Variants in RAB6B observed in about 807,000 individuals in gnomAD.
The protein encoded by RAB6B is ras-related protein Rab-6B.
In RAB6B, 7 loss-of-function variants were observed where a neutral mutation model predicts 31.2. That is an observed-to-expected ratio of 0.22 (90% CI 0.13 to 0.42). The LOEUF is 0.42. RAB6B is among the 10% of genes least tolerant of loss of function. The pLI, the probability that RAB6B is intolerant of heterozygous loss-of-function variation, is 1.00. For synonymous variants in RAB6B, 105 were observed against 104.9 expected (o/e 1.00, Z -0.01); for missense variants, 149 against 280.6 (o/e 0.53, Z 3.35).
At chr3:133,836,227 T>C (rs1468140657) in intron 6 of RAB6B, among the ~76,000 whole-genome samples, 1 of 152,198 alleles carries the variant, frequency 6.6e-6, no homozygotes, top group Non-Finnish European at 1.5e-5. Context: ...GAGGAGGCTC[T>C]GCAGTGGGGT....
At position 133,885,518 on chromosome 3, in the gene RAB6B, T is replaced by G. The variant is rs114894263; in HGVS notation, c.70+9879A>C. On this transcript the variant is annotated intron_variant, in intron 1 of 7. Transcript: ENST00000285208. ...ACTCACACATCCAATGACCAGAGGATAGGGGAGCTCACACACCCAATGGCC... is the reference window on the plus strand; with the variant it reads ...ACTCACACATCCAATGACCAGAGGAGAGGGGAGCTCACACACCCAATGGCC... The G allele has an allele frequency of 2.5e-4, 177 of 702,250 alleles. 1 individual carries two copies. In the African/African-American group the frequency reaches 2.7e-3, roughly 11 times the overall value. The allele number at this position is 702,250 out of a possible 1,614,324, so 43.5% of individuals were successfully genotyped here.
intron 1 of RAB6B, among the ~76,000 whole-genome samples, chr3:133,873,121 A>C (rs1207161135): frequency 6.6e-6 from 1 of 152,262 alleles, no homozygotes; most frequent in Non-Finnish European, 1.5e-5. Context: ...TACAGCAAGA[A>C]GGAACAGGGC....
At chr3:133,862,533 T>C (rs894750292) in intron 2 of RAB6B, among the ~76,000 whole-genome samples, 11 of 152,190 alleles carry the variant, frequency 7.2e-5, no homozygotes, top group African/African-American at 2.7e-4. Context: ...TGGGCCTTGA[T>C]GCATCCAGAG....
At chr3:133,864,399 G>C (rs907142802) in intron 2 of RAB6B, among the ~76,000 whole-genome samples, 185 bp downstream of exon 2, 1 of 152,118 alleles carries the variant, frequency 6.6e-6, no homozygotes, top group African/African-American at 2.4e-5. Context: ...TTACCGAGGG[G>C]TGGATTTTCA....
chr3:133,858,436 TCTC>T (rs1397712247), intron 2 of RAB6B, among the ~76,000 whole-genome samples: 2 of 152,166 alleles, frequency 1.3e-5, no homozygotes, highest in South Asian at 2.1e-4. Context: ...ACTACAGTCA[TCTC>T]CTCACAGCTC....
At chr3:133,829,288 C>G (rs1935621449) in intron 7 of RAB6B, among the ~76,000 whole-genome samples, 1 of 152,196 alleles carries the variant, frequency 6.6e-6, no homozygotes, top group African/African-American at 2.4e-5. Flanking sequence ...TAATTGGCAG[C>G]AGGAGCAAAC....
chr3:133,835,400 T>A (rs1168109556), intron 6 of RAB6B, among the ~76,000 whole-genome samples: 3 of 151,808 alleles, frequency 2.0e-5, no homozygotes, highest in Admixed American at 6.6e-5. Flanking sequence ...TGTGTGTTTG[T>A]GTAAGTGTGG....
intron 6 of RAB6B, among the ~76,000 whole-genome samples, chr3:133,836,445 G>C (rs1183339171): frequency 2.6e-5 from 4 of 152,186 alleles, no homozygotes; most frequent in African/African-American, 9.7e-5. Context: ...TCTGTGAGTG[G>C]ATATGCTCAC....
At chr3:133,838,468 G>A (rs1050499597) in intron 5 of RAB6B, among the ~76,000 whole-genome samples, 6 of 152,190 alleles carry the variant, frequency 3.9e-5, no homozygotes, top group African/African-American at 1.4e-4. Flanking sequence ...GACACTATCC[G>A]CTTCCCCCAC....
intron 1 of RAB6B, among the ~76,000 whole-genome samples, chr3:133,876,319 C>T (rs1936396302): frequency 6.6e-6 from 1 of 152,190 alleles, no homozygotes; most frequent in Non-Finnish European, 1.5e-5. Context: ...TGTGTCTCCC[C>T]CGGACCAGTT....
chr3:133,850,740 A>C (rs763086372), intron 2 of RAB6B, among the ~76,000 whole-genome samples: 2 of 152,160 alleles, frequency 1.3e-5, no homozygotes, highest in African/African-American at 2.4e-5. Flanking sequence ...AAACTAAAGA[A>C]ATAATGGTGA....
At position 133,825,770 on chromosome 3, in the gene RAB6B, AAAG is replaced by A. The variant is rs1935552088; in HGVS notation, c.*3015_*3017del. 1 of 152,206 alleles carries A rather than the reference AAAG, an allele frequency of 6.6e-6. No homozygotes were observed. The highest frequency in any genetic ancestry group is 1.5e-5 in the Non-Finnish European group (1 of 68,060). The allele number at this position is 152,206 out of a possible 1,614,324, so 9.4% of individuals were successfully genotyped here. ...CCCCTTCACTCCCACCATCCCCAAA[AAAG>A]AAGGCCAAGAGGATCCTGCTAATCT... is the stretch of plus-strand genomic sequence containing the variant. On this transcript the variant is annotated 3_prime_UTR_variant, in exon 8 of 8. Coordinates refer to ENST00000285208, the MANE Select transcript of RAB6B (RefSeq NM_016577.4).
intron 4 of RAB6B, 82 bp downstream of exon 4, chr3:133,841,203 T>G: frequency 7.9e-7 from 1 of 1,261,078 alleles, no homozygotes. Flanking sequence ...TGCACACACA[T>G]GCACACAGGC....
chr3:133,877,312 A>T (rs966066358), intron 1 of RAB6B, among the ~76,000 whole-genome samples: 18 of 152,256 alleles, frequency 1.2e-4, no homozygotes, highest in Non-Finnish European at 7.3e-5. Context: ...GCAAATGTAT[A>T]TGAGGAAACT....
intron 1 of RAB6B, among the ~76,000 whole-genome samples, 185 bp downstream of exon 1, chr3:133,895,212 C>T (rs1936691096): frequency 6.6e-6 from 1 of 152,156 alleles, no homozygotes; most frequent in Non-Finnish European, 1.5e-5. Flanking sequence ...TCCAGCGCCT[C>T]CTCCGTCCTC....
At chr3:133,836,502 A>C (rs919761908) in intron 6 of RAB6B, among the ~76,000 whole-genome samples, 1 of 152,148 alleles carries the variant, frequency 6.6e-6, no homozygotes, top group Non-Finnish European at 1.5e-5. Context: ...TCTGAGCCAC[A>C]CAGGGTTCGA....
At chr3:133,859,246 TG>T (rs1345346368) in intron 2 of RAB6B, among the ~76,000 whole-genome samples, 1 of 152,254 alleles carries the variant, frequency 6.6e-6, no homozygotes, top group African/African-American at 2.4e-5. Flanking sequence ...CCCGAAGTGC[TG>T]GGATTACAGG....
intron 1 of RAB6B, among the ~76,000 whole-genome samples, chr3:133,889,421 TATATATATATATATATATATA>T (rs1241878322): frequency 1.4e-4 from 9 of 62,146 alleles, no homozygotes; most frequent in African/African-American, 5.9e-4. Flanking sequence ...TATATATATA[TATATATATATATATATATATA>T]TATTTATTTT....
At chr3:133,888,081 G>A (rs1936577228) in intron 1 of RAB6B, among the ~76,000 whole-genome samples, 1 of 152,208 alleles carries the variant, frequency 6.6e-6, no homozygotes, top group Non-Finnish European at 1.5e-5. Context: ...AGCAGACCTC[G>A]TGTCCAGAAG....
Sources: allele counts gnomAD v4.1 joint callset (sites outside exome capture counted in the v4.1 genomes callset), GRCh38; gene constraint gnomAD v4.1.1; transcripts MANE v1.5; gene names NCBI Gene and HGNC (gene_info 2026-07-23, HGNC 2026-07-21).